Variants in TTLL5 observed in about 807,000 individuals in gnomAD.
TTLL5 encodes the protein tubulin polyglutamylase TTLL5.
In TTLL5, 132 loss-of-function variants were observed where a neutral mutation model predicts 168.4. The ratio of observed to expected loss-of-function variants is 0.78; its 90% CI spans 0.68 to 0.91. The LOEUF is 0.91. TTLL5 is among the 40% of genes least tolerant of loss of function. The pLI is 0.00. For synonymous variants in TTLL5, 546 were observed against 558.6 expected (o/e 0.98, Z 0.32); for missense variants, 1,545 against 1,581.5 (o/e 0.98, Z 0.39).
At chr14:75,746,027 A>C (rs1342953748) in intron 17 of TTLL5, among the ~76,000 whole-genome samples, 1 of 152,224 alleles carries the variant, frequency 6.6e-6, no homozygotes, top group Non-Finnish European at 1.5e-5. Context: ...ATGAAGATAT[A>C]AAATATTTCC....
chr14:75,880,188 G>A (rs1017509259), intron 29 of TTLL5, among the ~76,000 whole-genome samples: 1 of 151,986 alleles, frequency 6.6e-6, no homozygotes, highest in African/African-American at 2.4e-5. Flanking sequence ...TATATATGGT[G>A]TGTATGTATT....
At position 75,783,349 on chromosome 14, in the gene TTLL5, A is replaced by G. The variant is rs146549418; in HGVS notation, c.2805A>G (p.Leu935=). 200 of 1,614,018 alleles carry G rather than the reference A, an allele frequency of 1.2e-4. No individual in the cohort carries two copies. Among genetic ancestry groups the G allele is most frequent in the Non-Finnish European group, 1.6e-4 (190 of 1,180,026 alleles). Residue 935 remains leucine, a synonymous_variant, in exon 26 of 32, where the codon TTA becomes TTG. Coordinates refer to ENST00000298832, the MANE Select transcript of TTLL5 (RefSeq NM_015072.5). ...GCATGCCTCACCAGCCAACAATTTT[A>G]CTGAACACAGTCTCTGCCAGTGCTT... ...IPSMPHQPTI[L]LNTVSASASP...
chr14:75,730,867 C>G (rs573514433), intron 12 of TTLL5, among the ~76,000 whole-genome samples: 54 of 152,142 alleles, frequency 3.5e-4, no homozygotes, highest in South Asian at 1.2e-3. Context: ...TTACAGGTGC[C>G]TGCCACCACG....
At chr14:75,693,287 A>G (rs1828717002) in intron 6 of TTLL5, among the ~76,000 whole-genome samples, 1 of 152,184 alleles carries the variant, frequency 6.6e-6, no homozygotes, top group Non-Finnish European at 1.5e-5. Context: ...GGGTGTCTAA[A>G]AAGGCAGAAA....
Position 75,717,925 on chromosome 14 carries a change from A to T in TTLL5, c.805A>T (p.Asn269Tyr), listed in dbSNP as rs1388374423. The change falls in exon 10 of 32, where the codon AAC becomes TAC. Residue 269 changes from asparagine to tyrosine, a missense_variant. Asn to Tyr is a moderately radical substitution (Grantham distance 143, BLOSUM62 -2). Coordinates refer to ENST00000298832, the MANE Select transcript of TTLL5 (RefSeq NM_015072.5). ...TCGGAACCAGTTCATGCATCTGACA[A>T]ACTACAGTGTCAACAAGAAAAGTGG... ...NIRNQFMHLTNYSVNKKSGDY... is the reference protein window; with the variant it reads ...NIRNQFMHLTYYSVNKKSGDY... 5.6e-6 allele frequency: 9 copies of T among 1,613,668 alleles called. No individual in the cohort carries two copies. The highest frequency in any genetic ancestry group is 7.6e-6 in the Non-Finnish European group (9 of 1,179,898).
At chr14:75,698,625 G>A (rs903720425) in intron 6 of TTLL5, among the ~76,000 whole-genome samples, 3 of 152,134 alleles carry the variant, frequency 2.0e-5, no homozygotes, top group Non-Finnish European at 2.9e-5. Flanking sequence ...AGGGGAGGCC[G>A]GGCATGGTGG....
intron 31 of TTLL5, chr14:75,904,094 C>T: frequency 1.6e-6 from 2 of 1,242,588 alleles, no homozygotes; most frequent in Non-Finnish European, 2.1e-6. Flanking sequence ...TTCCCAGCCA[C>T]ACTGATCCAT....
At chr14:75,952,488 A>G (rs1325672684) in intron 31 of TTLL5, among the ~76,000 whole-genome samples, 1 of 152,262 alleles carries the variant, frequency 6.6e-6, no homozygotes, top group Non-Finnish European at 1.5e-5. Context: ...GAGTTGCCAT[A>G]TGACCCAGCA....
intron 31 of TTLL5, among the ~76,000 whole-genome samples, chr14:75,909,557 C>T (rs1350280266): frequency 6.6e-6 from 1 of 152,076 alleles, no homozygotes. Context: ...CGATACCTTC[C>T]TTCGGAGCCT....
At chr14:75,931,919 A>T (rs1044803178) in intron 31 of TTLL5, among the ~76,000 whole-genome samples, 1 of 152,138 alleles carries the variant, frequency 6.6e-6, no homozygotes, top group Admixed American at 6.5e-5. Flanking sequence ...GCCCTCTACC[A>T]CTAGATTATT....
chr14:75,868,049 G>A (rs2030680913), intron 29 of TTLL5, among the ~76,000 whole-genome samples: 2 of 152,174 alleles, frequency 1.3e-5, no homozygotes, highest in Admixed American at 1.3e-4. Flanking sequence ...CGGCTGTGAG[G>A]CCTGACTGAC....
chr14:75,710,399 TACACACACACACACACACACACAC>T (rs34988364), intron 9 of TTLL5: 1 of 145,904 alleles, frequency 6.9e-6, no homozygotes, highest in African/African-American at 2.6e-5. Flanking sequence ...AAAAAATTTA[TACACACACACACACACACACACAC>T]ACACACACAC....
Position 75,702,692 on chromosome 14 carries a change from G to C in TTLL5, c.585+3422G>C, listed in dbSNP as rs1241455716. Among the ~76,000 whole-genome samples, 5 of 152,248 alleles carry C rather than the reference G, an allele frequency of 3.3e-5. No individual in the cohort carries two copies. The East Asian group carries it at 9.7e-4, about 29-fold the overall frequency. ...TTAGAGAATGTGTTTGGCAGGCTATGTAAGAGTCTTTTTCTCCCTCCCACC... is the reference window on the plus strand; with the variant it reads ...TTAGAGAATGTGTTTGGCAGGCTATCTAAGAGTCTTTTTCTCCCTCCCACC... On this transcript the variant is annotated intron_variant, in intron 7 of 31. Coordinates refer to ENST00000298832, the MANE Select transcript of TTLL5 (RefSeq NM_015072.5).
chr14:75,849,405 T>C (rs933879464), intron 28 of TTLL5, among the ~76,000 whole-genome samples: 1 of 152,256 alleles, frequency 6.6e-6, no homozygotes, highest in Non-Finnish European at 1.5e-5. Context: ...TAATTTCTGA[T>C]TTATGTTTCT....
chr14:75,908,176 C>T lies in TTLL5; in HGVS notation c.3823+5952C>T, dbSNP rs115244088. Reference sequence around the variant, plus strand: ...TGCTGTGCTTTGTGATTAGCTGAGGCGATGAGACAGCATGTGTGTATGGAC... The same window carrying T: ...TGCTGTGCTTTGTGATTAGCTGAGGTGATGAGACAGCATGTGTGTATGGAC... On this transcript the variant is annotated intron_variant, in intron 31 of 31. Coordinates refer to ENST00000298832, the MANE Select transcript of TTLL5 (RefSeq NM_015072.5). Among the ~76,000 whole-genome samples the T allele has an allele frequency of 5.8e-3, 889 of 152,292 alleles. 8 individuals are homozygous for T. The highest frequency in any genetic ancestry group is 0.02 in the African/African-American group (828 of 41,528).
chr14:75,776,940 T>A, intron 23 of TTLL5, 90 bp downstream of exon 23: 1 of 1,030,498 alleles, frequency 9.7e-7, no homozygotes, highest in East Asian at 2.5e-5. Flanking sequence ...TTCTGATACA[T>A]GGATGTGAAT....
chr14:75,934,875 T>TG (rs1327781628), intron 31 of TTLL5, among the ~76,000 whole-genome samples: 6 of 152,288 alleles, frequency 3.9e-5, no homozygotes, highest in African/African-American at 1.4e-4. Flanking sequence ...GAGCATGCAG[T>TG]GCACCATAAT....
At chr14:75,720,982 C>T (rs543653757) in intron 12 of TTLL5, among the ~76,000 whole-genome samples, 6 of 152,132 alleles carry the variant, frequency 3.9e-5, no homozygotes, top group Admixed American at 6.5e-5. Context: ...AAGTCTGCAA[C>T]GGACTGTACA....
intron 6 of TTLL5, among the ~76,000 whole-genome samples, chr14:75,695,077 A>G (rs749845009): frequency 2.0e-5 from 3 of 152,216 alleles, no homozygotes; most frequent in Admixed American, 6.5e-5. Flanking sequence ...GGTGGAACAG[A>G]GCCATATTTC....
Sources: allele counts gnomAD v4.1 joint callset (sites outside exome capture counted in the v4.1 genomes callset), GRCh38; gene constraint gnomAD v4.1.1; transcripts MANE v1.5; gene names NCBI Gene and HGNC (gene_info 2026-07-23, HGNC 2026-07-21).